Variants in CNTN5 observed in about 807,000 individuals in gnomAD.
CNTN5 encodes contactin 5.
Under a neutral mutation model 129.1 loss-of-function variants are expected in CNTN5, and 77 were observed. The ratio of observed to expected loss-of-function variants is 0.60; its 90% CI spans 0.50 to 0.72. CNTN5 has a LOEUF of 0.72. CNTN5 is among the 30% of genes least tolerant of loss of function. CNTN5 has a pLI of 0.00. For missense variants in CNTN5, 1,478 were observed against 1,328.8 expected, an observed-to-expected ratio of 1.11 and a Z score of -1.75; for synonymous variants, 509 against 465.6, an observed-to-expected ratio of 1.09 and a Z score of -1.20.
At position 99,044,087 on chromosome 11, in the gene CNTN5, T is replaced by C. The variant is rs193171963; in HGVS notation, c.-210+22817T>C. Among the ~76,000 whole-genome samples the C allele has an allele frequency of 3.9e-4, 59 of 152,292 alleles. No homozygotes were observed. In the East Asian group the frequency reaches 0.01, roughly 27 times the overall value. On this transcript the variant is annotated intron_variant, in intron 1 of 24. Transcript: ENST00000524871. The stretch of plus-strand genomic sequence containing the variant: ...AAAAAATAGGCTTTCTTAGACCTAG[T>C]AGGTAAAGAACATGAAGTAACAATC...
chr11:99,133,162 T>A (rs962097001), intron 1 of CNTN5, among the ~76,000 whole-genome samples: 2 of 152,194 alleles, frequency 1.3e-5, no homozygotes, highest in South Asian at 4.2e-4. Flanking sequence ...AGGAGAGGAT[T>A]CCCTATTCAA....
At chr11:100,123,625 A>AC (rs1374806961) in intron 13 of CNTN5, among the ~76,000 whole-genome samples, 1 of 152,052 alleles carries the variant, frequency 6.6e-6, no homozygotes, top group Non-Finnish European at 1.5e-5. Flanking sequence ...TTGTAGTCTA[A>AC]CCAAGAATCA....
At chr11:99,786,476 C>G (rs890060877) in intron 3 of CNTN5, among the ~76,000 whole-genome samples, 5 of 152,172 alleles carry the variant, frequency 3.3e-5, no homozygotes, top group Admixed American at 6.5e-5. Flanking sequence ...CTACCATGTA[C>G]TTTCTTCACA....
At position 99,543,740 on chromosome 11, in the gene CNTN5, A is replaced by C. The variant is rs184472833; in HGVS notation, c.-70-12405A>C. Among the ~76,000 whole-genome samples, 60 of 152,162 alleles carry C rather than the reference A, an allele frequency of 3.9e-4. No homozygotes were observed. In the East Asian group the frequency reaches 7.4e-3, roughly 19 times the overall value. ...CAAGACCAGCCTGGCCAACATGGTG[A>C]AACCCCATCTCTACTGAAACTACAA... On this transcript the variant is annotated intron_variant, in intron 2 of 24. Coordinates refer to ENST00000524871, the MANE Select transcript of CNTN5 (RefSeq NM_014361.4).
chr11:99,811,755 G>C (rs1431184856), intron 3 of CNTN5, among the ~76,000 whole-genome samples: 1 of 151,946 alleles, frequency 6.6e-6, no homozygotes. Flanking sequence ...CATGGTGTGA[G>C]AGCACCAGGT....
intron 1 of CNTN5, among the ~76,000 whole-genome samples, chr11:99,098,540 A>G (rs17650563): frequency 0.25 from 38,110 of 151,938 alleles, 5,175 homozygotes; most frequent in Middle Eastern, 0.32. Context: ...CTCTGCTACG[A>G]GGTTTTCATC....
intron 2 of CNTN5, among the ~76,000 whole-genome samples, chr11:99,412,686 G>A (rs967219806): frequency 2.6e-5 from 4 of 152,100 alleles, no homozygotes; most frequent in Admixed American, 2.0e-4. Flanking sequence ...TAAAATTCCC[G>A]AGGTCGCCAT....
intron 2 of CNTN5, among the ~76,000 whole-genome samples, chr11:99,399,719 A>T (rs1306798274): frequency 1.3e-5 from 2 of 151,926 alleles, no homozygotes; most frequent in African/African-American, 4.8e-5. Flanking sequence ...TTATCTAAAT[A>T]TTTTTTGAAG....
Position 100,297,646 on chromosome 11 carries a change from A to C in CNTN5, c.2336A>C (p.Asn779Thr). Residue 779 changes from asparagine to threonine, a missense_variant, in exon 19 of 25, where the codon AAT (asparagine) becomes ACT (threonine). By Grantham distance (65) the Asn-to-Thr change is moderately conservative. Transcript: ENST00000524871. ...NEAVPKTAPT[N>T]VSGRSGRRHE... is the part of the protein sequence containing the mutation. ...ACAGTTCCGAAGACAGCACCCACCAATGTAAGCGGAAGAAGTGGAAGAAGG... is the reference window on the plus strand; with the variant it reads ...ACAGTTCCGAAGACAGCACCCACCACTGTAAGCGGAAGAAGTGGAAGAAGG... 6.2e-7 allele frequency: 1 copy of C among 1,606,566 alleles called. No homozygotes were observed. The highest frequency in any genetic ancestry group is 8.5e-7 in the Non-Finnish European group (1 of 1,175,588).
chr11:99,639,545 C>T (rs979987608), intron 3 of CNTN5, among the ~76,000 whole-genome samples: 2 of 147,208 alleles, frequency 1.4e-5, no homozygotes, highest in Admixed American at 6.8e-5. Context: ...TAACAGCACC[C>T]AAGTCACCTT....
intron 13 of CNTN5, among the ~76,000 whole-genome samples, chr11:100,182,904 T>TAA (rs11424357): frequency 3.9e-4 from 58 of 148,676 alleles, no homozygotes; most frequent in African/African-American, 1.2e-3. Flanking sequence ...TTATACACTG[T>TAA]AAAAAAAAAA....
chr11:99,868,884 C>T (rs899526549), intron 6 of CNTN5, among the ~76,000 whole-genome samples: 6 of 152,090 alleles, frequency 3.9e-5, no homozygotes, highest in Non-Finnish European at 7.4e-5. Context: ...GTTTTAGGTA[C>T]ATTAGTCTGA....
intron 3 of CNTN5, among the ~76,000 whole-genome samples, chr11:99,754,442 T>C (rs1407643488): frequency 6.6e-6 from 1 of 152,224 alleles, no homozygotes; most frequent in African/African-American, 2.4e-5. Flanking sequence ...TAGCCATCTC[T>C]CTTATTTGCT....
intron 2 of CNTN5, among the ~76,000 whole-genome samples, chr11:99,422,508 CTT>C (rs1942932861): frequency 2.9e-5 from 3 of 101,974 alleles, no homozygotes; most frequent in Admixed American, 2.3e-4. Flanking sequence ...ATTCATGTTA[CTT>C]TATATTTTTA....
chr11:99,536,423 T>C (rs1439765899), intron 2 of CNTN5, among the ~76,000 whole-genome samples: 2 of 152,114 alleles, frequency 1.3e-5, no homozygotes, highest in Non-Finnish European at 2.9e-5. Context: ...ACATATTCTG[T>C]GCTCTAAGGA....
chr11:99,776,283 T>C (rs1945121528), intron 3 of CNTN5, among the ~76,000 whole-genome samples: 2 of 151,946 alleles, frequency 1.3e-5, no homozygotes, highest in African/African-American at 4.8e-5. Context: ...AGAAACTAAC[T>C]CTTAAGGAGA....
rs770830489 is a variant in CNTN5 at position 99,675,813 on chromosome 11, T to C, written c.55+119544T>C. Reference sequence around the variant, plus strand: ...CTGCAGTTGTTATATGGGTACTAAATTGTGACTCTGTCAACAAGTAGTTGT... The same window carrying C: ...CTGCAGTTGTTATATGGGTACTAAACTGTGACTCTGTCAACAAGTAGTTGT... On this transcript the variant is annotated intron_variant, in intron 3 of 24. Coordinates refer to ENST00000524871, the MANE Select transcript of CNTN5 (RefSeq NM_014361.4). 9.8e-5 allele frequency among the ~76,000 whole-genome samples: 15 copies of C among 152,342 alleles called. No individual in the cohort carries two copies. The East Asian group carries it at 1.2e-3, about 12-fold the overall frequency.
intron 3 of CNTN5, among the ~76,000 whole-genome samples, chr11:99,780,242 A>G (rs189809928): frequency 1.2e-3 from 186 of 152,118 alleles, no homozygotes; most frequent in African/African-American, 4.4e-3. Flanking sequence ...AAGTATTACT[A>G]TTTCATACGT....
intron 18 of CNTN5, among the ~76,000 whole-genome samples, chr11:100,289,495 C>T (rs1354901507): frequency 6.6e-6 from 1 of 151,652 alleles, no homozygotes; most frequent in East Asian, 1.9e-4. Context: ...ATAAACAGAG[C>T]CAAAGACAAA....
Sources: gnomAD v4.1 joint callset for allele counts (sites outside exome capture counted in the v4.1 genomes callset) on GRCh38, gnomAD v4.1.1 for gene constraint, MANE v1.5 for transcripts, NCBI Gene and HGNC (gene_info 2026-07-23, HGNC 2026-07-21) for gene names.